Variants in TMEM217 observed in about 807,000 individuals in gnomAD.
The protein encoded by TMEM217 is transmembrane protein 217.
For missense variants in TMEM217, 204 were observed against 248.8 expected, an observed-to-expected ratio of 0.82 and a Z score of 1.21; for synonymous variants, 76 against 88.3, an observed-to-expected ratio of 0.86 and a Z score of 0.78.
chr6:37,232,871 T>G (rs1490466650), intron 1 of TMEM217, among the ~76,000 whole-genome samples: 1 of 152,224 alleles, frequency 6.6e-6, no homozygotes, highest in African/African-American at 2.4e-5. Context: ...CTGGCAACTC[T>G]TTCTCAGACT....
intron 1 of TMEM217, among the ~76,000 whole-genome samples, chr6:37,235,284 G>A (rs1764436626): frequency 6.6e-6 from 1 of 152,132 alleles, no homozygotes; most frequent in Non-Finnish European, 1.5e-5. Context: ...TTAAATTAAA[G>A]ATATCTGTCT....
intron 1 of TMEM217, among the ~76,000 whole-genome samples, chr6:37,231,226 A>ATTTTT (rs35394043): frequency 1.1e-5 from 1 of 87,448 alleles, no homozygotes; most frequent in Non-Finnish European, 2.2e-5. Flanking sequence ...TGCCTGGCTA[A>ATTTTT]TTTTTTTTTT....
chr6:37,218,395 T>A, exon 2 of TMEM217: 1 of 1,521,476 alleles, frequency 6.6e-7, no homozygotes, highest in Non-Finnish European at 8.9e-7. Context: ...CAGGCTGGTC[T>A]TGAACTCCTG....
chr6:37,229,342 T>TTG lies in TMEM217; in HGVS notation c.-11-10302_-11-10301insCA, dbSNP rs1554170969. 7.2e-5 allele frequency among the ~76,000 whole-genome samples: 9 copies of TTG among 125,812 alleles called. 1 individual carries two copies. Among genetic ancestry groups the TTG allele is most frequent in the African/African-American group, 2.8e-4 (9 of 31,816 alleles). The allele number at this position is 125,812 out of a possible 152,430, so 82.5% of individuals were successfully genotyped here. A position where few individuals can be genotyped will look rare whatever the true frequency, so the allele number is the denominator to read the frequency against. On this transcript the variant is annotated intron_variant, in intron 1 of 1. Transcript: ENST00000357219. ...TCTCCCTAGCAACTTTCAGTTTTTTTTTTTTTTTTTTTTTTTTTGAGACAG... is the reference window on the plus strand; with the variant it reads ...TCTCCCTAGCAACTTTCAGTTTTTTTTGTTTTTTTTTTTTTTTTTTGAGACAG...
exon 2 of TMEM217, chr6:37,217,669 C>G: frequency 2.0e-6 from 2 of 985,222 alleles, no homozygotes; most frequent in Non-Finnish European, 1.2e-6. Flanking sequence ...TATTCTTTTT[C>G]TTATCTGGAA....
intron 1 of TMEM217, among the ~76,000 whole-genome samples, chr6:37,249,207 G>T (rs1056769807): frequency 2.0e-5 from 3 of 152,244 alleles, no homozygotes; most frequent in Admixed American, 6.5e-5. Flanking sequence ...AAATATTTTT[G>T]GGGGCCACAA....
chr6:37,252,704 A>G (rs1376870298), intron 1 of TMEM217, among the ~76,000 whole-genome samples: 2 of 146,012 alleles, frequency 1.4e-5, no homozygotes, highest in African/African-American at 5.1e-5. Context: ...CAATGGCACA[A>G]TCTCGGCTCC....
intron 1 of TMEM217, among the ~76,000 whole-genome samples, chr6:37,255,357 A>G (rs560780810): frequency 6.6e-6 from 1 of 152,212 alleles, no homozygotes; most frequent in South Asian, 2.1e-4. Flanking sequence ...TTTTCAGCAG[A>G]GGAGTGACAT....
chr6:37,231,345 C>T (rs1217606223), intron 1 of TMEM217, among the ~76,000 whole-genome samples: 2 of 146,920 alleles, frequency 1.4e-5, no homozygotes, highest in Non-Finnish European at 3.0e-5. Flanking sequence ...GCTGGGATTA[C>T]AGGCGTGAGT....
intron 1 of TMEM217, among the ~76,000 whole-genome samples, chr6:37,249,708 T>A (rs900277532): frequency 3.3e-5 from 5 of 152,230 alleles, no homozygotes; most frequent in Admixed American, 3.3e-4. Flanking sequence ...TCCCTTAGGA[T>A]CTGACTTTGA....
intron 1 of TMEM217, among the ~76,000 whole-genome samples, chr6:37,252,121 G>C (rs1765429363): frequency 6.6e-6 from 1 of 152,204 alleles, no homozygotes; most frequent in African/African-American, 2.4e-5. Context: ...TCGAACTCCT[G>C]ACCTCAGGTG....
chr6:37,244,121 C>A (rs1301081562), intron 1 of TMEM217, among the ~76,000 whole-genome samples: 1 of 152,216 alleles, frequency 6.6e-6, no homozygotes, highest in East Asian at 1.9e-4. Flanking sequence ...TAATCCTAAC[C>A]TTGTGGACTT....
In TMEM217 at chr6:37,236,025, T is replaced by A. The variant is rs577942849; in HGVS notation, c.-11-16984A>T. On this transcript the variant is annotated intron_variant, in intron 1 of 1. Transcript: ENST00000357219. ...TTCATACTAGAAAAATAAAGCTAGA[T>A]AAATAAAAAATCATTACCATAACAA... 6.6e-5 allele frequency among the ~76,000 whole-genome samples: 10 copies of A among 152,282 alleles called. No individual in the cohort carries two copies. In the East Asian group the frequency reaches 1.7e-3, roughly 26 times the overall value.
chr6:37,228,137 T>A (rs1763951272), intron 1 of TMEM217, among the ~76,000 whole-genome samples: 1 of 152,120 alleles, frequency 6.6e-6, no homozygotes, highest in Admixed American at 6.6e-5. Context: ...GGCTTGCACC[T>A]ATAGTCCCAA....
At chr6:37,216,594 G>A (rs1184150832), downstream of TMEM217, among the ~76,000 whole-genome samples, 1 of 152,168 alleles carries the variant, frequency 6.6e-6, no homozygotes, top group Non-Finnish European at 1.5e-5. Context: ...CATCCTCTGA[G>A]GCGAGGAGCA....
At chr6:37,215,503 A>G (rs1032810480), downstream of TMEM217, among the ~76,000 whole-genome samples, 1 of 133,446 alleles carries the variant, frequency 7.5e-6, no homozygotes, top group Non-Finnish European at 1.6e-5. Context: ...CCCGGGAGGT[A>G]GAGGTTGCAG....
chr6:37,224,181 C>T (rs1383501710), intron 1 of TMEM217, among the ~76,000 whole-genome samples: 5 of 150,678 alleles, frequency 3.3e-5, no homozygotes, highest in Admixed American at 6.6e-5. Flanking sequence ...TCAAATGATC[C>T]GCCTGCCTCG....
intron 1 of TMEM217, among the ~76,000 whole-genome samples, chr6:37,256,586 C>A (rs926560116): frequency 6.6e-6 from 1 of 152,116 alleles, no homozygotes; most frequent in Admixed American, 6.5e-5. Context: ...TCCTATAATT[C>A]TTAAATTAGG....
chr6:37,219,334 C>A (rs1418843796), intron 1 of TMEM217, among the ~76,000 whole-genome samples: 1 of 152,160 alleles, frequency 6.6e-6, no homozygotes, highest in Non-Finnish European at 1.5e-5. Flanking sequence ...CCACCACAGA[C>A]CAATCACAAC....
Sources: gnomAD v4.1 joint callset for allele counts (sites outside exome capture counted in the v4.1 genomes callset) on GRCh38, gnomAD v4.1.1 for gene constraint, MANE v1.5 for transcripts, NCBI Gene and HGNC (gene_info 2026-07-23, HGNC 2026-07-21) for gene names.